Variants in BBS2 observed in about 807,000 individuals in gnomAD.
BBS2 encodes Bardet-Biedl syndrome 2, also known as BBSome complex member BBS2.
A neutral mutation model predicts 83.0 loss-of-function variants in BBS2; 62 were observed. The observed-to-expected ratio is 0.75, with a 90% CI of 0.61 to 0.92. The LOEUF is 0.92. BBS2 is among the 40% of genes least tolerant of loss of function. The pLI is 0.00. For missense variants in BBS2, 784 were observed against 901.0 expected, an observed-to-expected ratio of 0.87 and a Z score of 1.66; for synonymous variants, 303 against 326.1, an observed-to-expected ratio of 0.93 and a Z score of 0.76.
rs1964553749 is a variant in BBS2 at position 56,510,768 on chromosome 16, G to A, written c.534+91C>T. On this transcript the variant is annotated intron_variant, in intron 4 of 16. Transcript: ENST00000245157. ...AACAGAGCACCAAAATCAGCCAGGA[G>A]AAGCTTACACTTCTGTCAACACTAA... 2.9e-5 allele frequency: 41 copies of A among 1,391,394 alleles called. No individual in the cohort carries two copies. In the South Asian group the frequency reaches 4.0e-4, roughly 14 times the overall value. 86.2% of individuals were successfully genotyped at this position (1,391,394 alleles called of 1,614,324 possible).
At chr16:56,491,409 A>T (rs1963947986) in intron 15 of BBS2, among the ~76,000 whole-genome samples, 1 of 152,140 alleles carries the variant, frequency 6.6e-6, no homozygotes, top group African/African-American at 2.4e-5. Flanking sequence ...GCCTCTTCAC[A>T]CATGTCCCCT....
At chr16:56,475,566 G>A in intron 17 of BBS2, 1 of 1,613,356 alleles carries the variant, frequency 6.2e-7, no homozygotes, top group Non-Finnish European at 8.5e-7. Context: ...AGATGAAGAG[G>A]TAAGTTTCTT....
intron 17 of BBS2, chr16:56,476,154 C>G: frequency 3.7e-6 from 6 of 1,613,486 alleles, no homozygotes; most frequent in Non-Finnish European, 5.1e-6. Flanking sequence ...AAAAGAAAAC[C>G]TTCCCAAACA....
At position 56,519,969 on chromosome 16, in the gene BBS2, A is replaced by T; in HGVS notation, c.-107T>A. 1.0e-6 allele frequency: 1 copy of T among 980,552 alleles called. No homozygotes were observed. Among genetic ancestry groups the T allele is most frequent in the East Asian group, 2.6e-5 (1 of 38,816 alleles). The allele number at this position is 980,552 out of a possible 1,614,324, so 60.7% of individuals were successfully genotyped here. ...GCAGGGACACTACCTGCGCGGCCCC[A>T]GCCGCCTCAGGCCGGACGCGAAACA... On this transcript the variant is annotated 5_prime_UTR_variant, in exon 1 of 17. Transcript: ENST00000245157.
intron 8 of BBS2, 64 bp downstream of exon 8, chr16:56,502,609 T>C (rs1205804622): frequency 5.6e-6 from 9 of 1,612,620 alleles, no homozygotes; most frequent in Admixed American, 3.3e-5. Flanking sequence ...TGAAATTTCC[T>C]GATATTTTGA....
At chr16:56,496,587 T>A (rs1269412258) in intron 15 of BBS2, among the ~76,000 whole-genome samples, 2 of 152,236 alleles carry the variant, frequency 1.3e-5, no homozygotes, top group Non-Finnish European at 2.9e-5. Flanking sequence ...GTCATGGAGA[T>A]TCATGTGCTC....
At chr16:56,475,265 A>G (rs981854126) in intron 17 of BBS2, among the ~76,000 whole-genome samples, 1 of 152,214 alleles carries the variant, frequency 6.6e-6, no homozygotes, top group Non-Finnish European at 1.5e-5. Flanking sequence ...CTTAATTTTC[A>G]TATTCAAAGT....
At chr16:56,519,471 G>A (rs1215284391) in intron 1 of BBS2, 1 of 461,802 alleles carries the variant, frequency 2.2e-6, no homozygotes, top group East Asian at 4.0e-5. Flanking sequence ...CTTCCCTCAG[G>A]AGACGTCTCT....
intron 17 of BBS2, chr16:56,479,242 G>T (rs111450577): frequency 0.038 from 5,861 of 152,392 alleles, 148 homozygotes; most frequent in East Asian, 0.13. Context: ...AGGCCCCGAG[G>T]CTGGCAGATT....
chr16:56,515,855 A>C (rs538862828), intron 1 of BBS2, among the ~76,000 whole-genome samples: 17 of 152,282 alleles, frequency 1.1e-4, no homozygotes, highest in Admixed American at 3.3e-4. Flanking sequence ...CGGAAGAGTT[A>C]AGGCCCTTTG....
At chr16:56,495,171 A>C (rs1037363069) in intron 15 of BBS2, among the ~76,000 whole-genome samples, 11 of 152,202 alleles carry the variant, frequency 7.2e-5, no homozygotes, top group South Asian at 6.2e-4. Context: ...ATAATTCATT[A>C]ATTCATGAGG....
chr16:56,475,485 CTGTT>C lies in BBS2; in HGVS notation c.*1-4794_*1-4791del, dbSNP rs776405883. On this transcript the variant is annotated intron_variant, in intron 17 of 17. Transcript: ENST00000682047. ...TCTTTCAATAGGAGCTTTCTGAATGCTGTTTGTTTTTCTCTTGTAAGGCTGGGAG... is the reference window on the plus strand; with the variant it reads ...TCTTTCAATAGGAGCTTTCTGAATGCTGTTTTTCTCTTGTAAGGCTGGGAG... 6 of 1,611,242 alleles carry C rather than the reference CTGTT, an allele frequency of 3.7e-6. No individual in the cohort carries two copies. The African/African-American group carries it at 8.0e-5, about 22-fold the overall frequency.
At chr16:56,496,364 G>GT (rs763737619) in intron 15 of BBS2, among the ~76,000 whole-genome samples, 1 of 152,060 alleles carries the variant, frequency 6.6e-6, no homozygotes, top group Admixed American at 6.5e-5. Flanking sequence ...TTCCCAATGT[G>GT]TTTTTTCTGA....
rs546396933 is a variant in BBS2 at position 56,519,280 on chromosome 16, G to A, written c.117+466C>T. 9.9e-4 allele frequency among the ~76,000 whole-genome samples: 147 copies of A among 148,702 alleles called. 2 individuals are homozygous for A. In the Middle Eastern group the frequency reaches 0.049, roughly 50 times the overall value. On this transcript the variant is annotated intron_variant, in intron 1 of 16. Coordinates refer to ENST00000245157, the MANE Select transcript of BBS2 (RefSeq NM_031885.5). Reference sequence around the variant, plus strand: ...CGGGAGGCGGAGGCTGCAGCGACCCGAGATTGCGCCACTGCACTCCAGCCT... The same window carrying A: ...CGGGAGGCGGAGGCTGCAGCGACCCAAGATTGCGCCACTGCACTCCAGCCT...
chr16:56,482,869 T>C (rs1221863616), downstream of BBS2, among the ~76,000 whole-genome samples: 2 of 152,190 alleles, frequency 1.3e-5, no homozygotes, highest in Non-Finnish European at 2.9e-5. Context: ...GATGTGGTCA[T>C]GTGACTCAAT....
Position 56,484,819 on chromosome 16 carries a change from C to T in BBS2, c.2108G>A (p.Arg703Gln), listed in dbSNP as rs1963728958. Residue 703 changes from arginine (R) to glutamine (Q), a missense_variant, in exon 17 of 17, where the codon CGA becomes CAA. Arg to Gln is a conservative substitution (Grantham distance 43). Coordinates refer to ENST00000245157, the MANE Select transcript of BBS2 (RefSeq NM_031885.5). The stretch of plus-strand genomic sequence containing the variant: ...GAACAGTGTGTTGATGTTATTGCTT[C>T]GAATTGCATCCCGACAAGCAGTGAT... Reference protein sequence around the residue: ...QVITACRDAIRSNNINTLFKI... With the variant: ...QVITACRDAIQSNNINTLFKI... The T allele has an allele frequency of 1.2e-6, 2 of 1,614,004 alleles. No homozygotes were observed. The highest frequency in any genetic ancestry group is 1.7e-6 in the Non-Finnish European group (2 of 1,179,932).
At chr16:56,501,827 A>G (rs1319761887) in intron 9 of BBS2, 8 of 389,686 alleles carry the variant, frequency 2.1e-5, no homozygotes, top group Middle Eastern at 7.8e-4. Flanking sequence ...GCATTACAGG[A>G]CAAATTAAAG....
At position 56,502,828 on chromosome 16, in the gene BBS2, T is replaced by G; in HGVS notation, c.805-20A>C. On this transcript the variant is annotated intron_variant, in intron 7 of 16. Coordinates refer to ENST00000245157, the MANE Select transcript of BBS2 (RefSeq NM_031885.5). ...ATCAACCTACAAATAAAACACAAAT[T>G]TAAAAGTTGCTTATGCTACATGTTT... The G allele has an allele frequency of 6.2e-7, 1 of 1,613,908 alleles. No homozygotes were observed.
At chr16:56,497,675 A>G in intron 14 of BBS2, 68 bp downstream of exon 14, 1 of 1,586,892 alleles carries the variant, frequency 6.3e-7, no homozygotes, top group South Asian at 1.1e-5. Flanking sequence ...CATTTGTAGT[A>G]CCATTAATCT....
Sources: allele counts gnomAD v4.1 joint callset (sites outside exome capture counted in the v4.1 genomes callset), GRCh38; gene constraint gnomAD v4.1.1; transcripts MANE v1.5; gene names NCBI Gene and HGNC (gene_info 2026-07-23, HGNC 2026-07-21).